ADAM12: variants seen among roughly 807,000 people sequenced by gnomAD.
ADAM12 encodes the protein ADAM metallopeptidase domain 12.
In ADAM12, 70 loss-of-function variants were observed where a neutral mutation model predicts 106.4. The observed-to-expected ratio is 0.66, with a 90% CI of 0.54 to 0.80. The LOEUF (loss-of-function observed/expected upper bound fraction) is 0.80, where lower values mean the gene tolerates loss of function less well. Ranked by LOEUF, ADAM12 falls within the 30% of genes least tolerant of loss-of-function variation. The pLI, the probability that ADAM12 is intolerant of heterozygous loss-of-function variation, is 0.00. For missense variants in ADAM12, 1,010 were observed against 1,171.9 expected, an observed-to-expected ratio of 0.86 and a Z score of 2.02; for synonymous variants, 420 against 433.5, an observed-to-expected ratio of 0.97 and a Z score of 0.39.
intron 11 of ADAM12, among the ~76,000 whole-genome samples, chr10:126,083,617 T>C (rs752657705): frequency 3.5e-4 from 54 of 152,226 alleles, no homozygotes; most frequent in Non-Finnish European, 7.1e-4. Flanking sequence ...AGGCCCAGTC[T>C]TGGGATTCAT....
intron 3 of ADAM12, among the ~76,000 whole-genome samples, chr10:126,231,058 C>G (rs1958299944): frequency 6.6e-6 from 1 of 152,196 alleles, no homozygotes; most frequent in Non-Finnish European, 1.5e-5. Context: ...AAAGGGACTT[C>G]TTCATTGCAT....
At position 126,142,864 on chromosome 10, in the gene ADAM12, T is replaced by G. The variant is rs893614241; in HGVS notation, c.340-7204A>C. Among the ~76,000 whole-genome samples, 11 of 152,086 alleles carry G rather than the reference T, an allele frequency of 7.2e-5. No homozygotes were observed. In the East Asian group the frequency reaches 2.1e-3, roughly 29 times the overall value. On this transcript the variant is annotated intron_variant, in intron 4 of 22. Transcript: ENST00000448723. ...GTGTATGTGTGTCTATAGGTGTGTA[T>G]GTGTGTGTATGTGGGCACGTGCGTA...
chr10:126,232,391 C>T (rs1282828778), intron 3 of ADAM12, among the ~76,000 whole-genome samples: 4 of 152,114 alleles, frequency 2.6e-5, no homozygotes, highest in African/African-American at 9.7e-5. Context: ...GAACACAGCC[C>T]CACCCACACC....
intron 3 of ADAM12, among the ~76,000 whole-genome samples, chr10:126,229,493 A>G (rs954163368): frequency 6.6e-6 from 1 of 152,220 alleles, no homozygotes; most frequent in African/African-American, 2.4e-5. Context: ...TTAACTTGAG[A>G]AAATTATAAA....
At chr10:126,143,281 TGC>T (rs1956554115) in intron 4 of ADAM12, among the ~76,000 whole-genome samples, 1 of 131,128 alleles carries the variant, frequency 7.6e-6, no homozygotes, top group African/African-American at 2.7e-5. Flanking sequence ...TATATGGGTA[TGC>T]ATGTGTGTGT....
intron 18 of ADAM12, among the ~76,000 whole-genome samples, chr10:126,040,804 CTG>C (rs1954147908): frequency 6.6e-6 from 1 of 152,138 alleles, no homozygotes; most frequent in Non-Finnish European, 1.5e-5. Flanking sequence ...ATCTATGAAA[CTG>C]AACATTTACA....
chr10:126,352,413 A>G (rs1855394758), intron 1 of ADAM12, among the ~76,000 whole-genome samples: 1 of 152,240 alleles, frequency 6.6e-6, no homozygotes, highest in Non-Finnish European at 1.5e-5. Flanking sequence ...GTGTATACTG[A>G]CTTAAAGTTT....
At chr10:126,254,708 G>A (rs4962328) in intron 3 of ADAM12, among the ~76,000 whole-genome samples, 53,332 of 151,982 alleles carry the variant, frequency 0.35, 10,387 homozygotes, top group African/African-American at 0.52. Context: ...GCCACTGACC[G>A]CTCTGCTCAC....
chr10:126,270,712 T>TG (rs1959170681), intron 3 of ADAM12, among the ~76,000 whole-genome samples: 1 of 152,170 alleles, frequency 6.6e-6, no homozygotes. Flanking sequence ...CTGATGCTGG[T>TG]GGTCTTGAAG....
chr10:126,276,530 CA>C (rs1416991895), intron 3 of ADAM12, among the ~76,000 whole-genome samples: 1 of 151,642 alleles, frequency 6.6e-6, no homozygotes, highest in Non-Finnish European at 1.5e-5. Flanking sequence ...TAACCTTTTG[CA>C]AAAAAATTGT....
chr10:126,284,527 C>T (rs1223623156), intron 2 of ADAM12, among the ~76,000 whole-genome samples: 2 of 152,048 alleles, frequency 1.3e-5, no homozygotes, highest in African/African-American at 4.8e-5. Flanking sequence ...TATCTCAGCA[C>T]CCTGGGATTG....
chr10:126,026,424 G>A (rs1953874162), intron 21 of ADAM12, among the ~76,000 whole-genome samples: 1 of 152,160 alleles, frequency 6.6e-6, no homozygotes, highest in African/African-American at 2.4e-5. Flanking sequence ...TCTGGAGCAA[G>A]TGGATCTGTT....
intron 3 of ADAM12, among the ~76,000 whole-genome samples, chr10:126,218,971 C>T (rs932260277): frequency 6.6e-6 from 1 of 152,184 alleles, no homozygotes; most frequent in African/African-American, 2.4e-5. Flanking sequence ...ACAGACATCA[C>T]GTTGAAGCCT....
At chr10:126,035,188 G>A (rs950060983) in intron 21 of ADAM12, among the ~76,000 whole-genome samples, 3 of 152,120 alleles carry the variant, frequency 2.0e-5, no homozygotes, top group South Asian at 2.1e-4. Context: ...ATGTGGGAAC[G>A]CAAATGTATA....
chr10:126,185,100 A>C (rs1957377021), intron 3 of ADAM12, among the ~76,000 whole-genome samples: 1 of 152,192 alleles, frequency 6.6e-6, no homozygotes, highest in Admixed American at 6.5e-5. Context: ...ACCGTCTTGC[A>C]CATGGTCTGG....
At chr10:126,148,812 G>C (rs1480529076) in intron 4 of ADAM12, among the ~76,000 whole-genome samples, 1 of 151,984 alleles carries the variant, frequency 6.6e-6, no homozygotes, top group Non-Finnish European at 1.5e-5. Flanking sequence ...GAGGCTTCCT[G>C]CAATTTCCAA....
chr10:126,368,662 T>TTGTTGTTG (rs56001042), intron 1 of ADAM12, among the ~76,000 whole-genome samples: 1 of 148,632 alleles, frequency 6.7e-6, no homozygotes, highest in Admixed American at 6.6e-5. Flanking sequence ...TGTTGTTGTT[T>TTGTTGTTG]TTTTTTGCCT....
At chr10:126,273,550 A>G (rs1440349426) in intron 3 of ADAM12, 2 of 152,164 alleles carry the variant, frequency 1.3e-5, no homozygotes, top group Non-Finnish European at 2.9e-5. Context: ...AAAGATTTTA[A>G]AAGTCCAATC....
At chr10:126,019,011 A>T (rs1953710077) in intron 22 of ADAM12, among the ~76,000 whole-genome samples, 1 of 152,144 alleles carries the variant, frequency 6.6e-6, no homozygotes, top group African/African-American at 2.4e-5. Flanking sequence ...ATCAAATTGT[A>T]ATCCCCAAAG....
Sources: allele counts gnomAD v4.1 joint callset (sites outside exome capture counted in the v4.1 genomes callset), GRCh38; gene constraint gnomAD v4.1.1; transcripts MANE v1.5; gene names NCBI Gene and HGNC (gene_info 2026-07-23, HGNC 2026-07-21).